TRIM58: variants seen among roughly 807,000 people sequenced by gnomAD.
TRIM58 encodes the protein E3 ubiquitin-protein ligase TRIM58.
Under a neutral mutation model 34.1 loss-of-function variants are expected in TRIM58, and 38 were observed. The observed-to-expected ratio is 1.12, with a 90% CI of 0.86 to 1.46. The LOEUF is 1.46. Among genes scored for constraint, TRIM58 ranks in the 40% most tolerant of loss-of-function variants. The pLI is 0.00. For missense variants in TRIM58, 677 were observed against 642.0 expected (o/e 1.05, Z -0.59); for synonymous variants, 273 against 275.7 (o/e 0.99, Z 0.10).
chr1:247,872,223 CTA>C (rs1416495419), intron 5 of TRIM58, among the ~76,000 whole-genome samples: 1 of 152,186 alleles, frequency 6.6e-6, no homozygotes, highest in Non-Finnish European at 1.5e-5. Context: ...GAGGATCACT[CTA>C]TATGCTTTCT....
chr1:247,867,920 T>G (rs1572574829), intron 4 of TRIM58, 43 bp from the exon 5 acceptor site: 3 of 1,613,712 alleles, frequency 1.9e-6, no homozygotes, highest in Non-Finnish European at 2.5e-6. Flanking sequence ...GAGGAGCTGG[T>G]GGAGAACCCT....
chr1:247,862,899 G>C (rs1193932593), intron 2 of TRIM58, among the ~76,000 whole-genome samples: 1 of 152,150 alleles, frequency 6.6e-6, no homozygotes, highest in African/African-American at 2.4e-5. Flanking sequence ...TGGATTGCAG[G>C]CAAATCGCTT....
chr1:247,869,120 G>A (rs1261181820), intron 5 of TRIM58, among the ~76,000 whole-genome samples: 5 of 152,152 alleles, frequency 3.3e-5, no homozygotes, highest in Non-Finnish European at 7.3e-5. Context: ...GGCTGGTCTC[G>A]AACTCCTGAC....
intron 5 of TRIM58, among the ~76,000 whole-genome samples, chr1:247,869,806 G>T (rs1659056682): frequency 6.6e-6 from 1 of 152,166 alleles, no homozygotes; most frequent in South Asian, 2.1e-4. Flanking sequence ...AGACAAATAG[G>T]AACAAAGGCA....
chr1:247,863,498 A>T (rs565457533), intron 2 of TRIM58, among the ~76,000 whole-genome samples: 1 of 152,112 alleles, frequency 6.6e-6, no homozygotes, highest in African/African-American at 2.4e-5. Context: ...AGATCGCGCC[A>T]CTGCACTCTA....
chr1:247,876,084 G>GGGAGAA lies in TRIM58; in HGVS notation c.1061_1066dup (p.Glu354_Gly355dup). On this transcript the variant is annotated inframe_insertion, in exon 6 of 6. Transcript: ENST00000366481. ...GGAGGCATTACTGGGAGGTTCTGGT[G>GGGAGAA]GGAGAAGGAGCAGAGTGGGGTTTAG... 6.2e-7 allele frequency: 1 copy of GGGAGAA among 1,614,172 alleles called. No homozygotes were observed. Among genetic ancestry groups the GGGAGAA allele is most frequent in the East Asian group, 2.2e-5 (1 of 44,876 alleles).
intron 5 of TRIM58, 66 bp from the exon 6 acceptor site, chr1:247,875,834 G>A (rs772323150): frequency 5.7e-6 from 8 of 1,397,962 alleles, no homozygotes; most frequent in Non-Finnish European, 6.8e-6. Flanking sequence ...ATTCTTTTCA[G>A]TGGTTTCCTA....
rs1659373969 is a variant in TRIM58, at chr1:247,880,012, G to A, written c.*3523G>A. ...CTAAATGTAAACACCACAAGGGGAG[G>A]TATCTTTGTCTGTTGACAATGATAC... On this transcript the variant is annotated 3_prime_UTR_variant, in exon 6 of 6. Transcript: ENST00000366481. Among the ~76,000 whole-genome samples, 1 of 151,878 alleles carries A rather than the reference G, an allele frequency of 6.6e-6. No homozygotes were observed. Among genetic ancestry groups the A allele is most frequent in the Admixed American group, 6.6e-5 (1 of 15,234 alleles).
chr1:247,869,548 T>C (rs1164648782), intron 5 of TRIM58, among the ~76,000 whole-genome samples: 2 of 152,234 alleles, frequency 1.3e-5, no homozygotes, highest in Non-Finnish European at 2.9e-5. Flanking sequence ...GCATGGTGAA[T>C]GTAGACCAAA....
intron 1 of TRIM58, among the ~76,000 whole-genome samples, chr1:247,858,778 T>G (rs1322997608): frequency 1.7e-5 from 2 of 115,998 alleles, no homozygotes; most frequent in Non-Finnish European, 3.5e-5. Context: ...TTTTTTTTTT[T>G]GAGACGGAGT....
rs765341462 is a variant in TRIM58, at chr1:247,875,960, G to A, written c.932G>A (p.Arg311His). 43 of 1,614,190 alleles carry A rather than the reference G, an allele frequency of 2.7e-5. No individual in the cohort carries two copies. Among genetic ancestry groups the A allele is most frequent in the Middle Eastern group, 1.6e-4 (1 of 6,062 alleles). Reference sequence around the variant, plus strand: ...AGTCTGCTCTTGACCGCCGACCTGCGCAGTGTGCAGGATGGAGAACCATGG... The same window carrying A: ...AGTCTGCTCTTGACCGCCGACCTGCACAGTGTGCAGGATGGAGAACCATGG... The part of the protein sequence containing the change: ...HPSLLLTADL[R>H]SVQDGEPWRD... The change falls in exon 6 of 6, where the codon CGC becomes CAC. Residue 311 changes from arginine to histidine, a missense_variant. Transcript: ENST00000366481.
In TRIM58 at chr1:247,876,523, G is replaced by A. The variant is rs1254443792; in HGVS notation, c.*34G>A. 7 of 1,552,388 alleles carry A rather than the reference G, an allele frequency of 4.5e-6. No homozygotes were observed. The highest frequency in any genetic ancestry group is 1.7e-5 in the Admixed American group (1 of 57,240). On this transcript the variant is annotated 3_prime_UTR_variant, in exon 6 of 6. Coordinates refer to ENST00000366481, the MANE Select transcript of TRIM58 (RefSeq NM_015431.4). ...TCCCAAGATGCAGTCCTAGCGTAGCGAACGTTCCTGGAGTGGGGTGAAGGA... is the reference window on the plus strand; with the variant it reads ...TCCCAAGATGCAGTCCTAGCGTAGCAAACGTTCCTGGAGTGGGGTGAAGGA...
At position 247,876,240 on chromosome 1, in the gene TRIM58, A is replaced by G. The variant is rs371307640; in HGVS notation, c.1212A>G (p.Gln404=). 3 of 1,614,098 alleles carry G rather than the reference A, an allele frequency of 1.9e-6. No individual in the cohort carries two copies. The highest frequency in any genetic ancestry group is 2.5e-6 in the Non-Finnish European group (3 of 1,180,052). The change falls in exon 6 of 6, where the codon CAA becomes CAG. Residue 404 remains glutamine, a synonymous_variant. Coordinates refer to ENST00000366481, the MANE Select transcript of TRIM58 (RefSeq NM_015431.4). The stretch of plus-strand genomic sequence containing the variant: ...CCTCCCCATCAGTGCCTCTTCTCCA[A>G]CTGGAAAGTCCTCGCTGCATTGGGA... ...VLASPSVPLL[Q]LESPRCIGIF...
intron 3 of TRIM58, among the ~76,000 whole-genome samples, chr1:247,865,429 T>C (rs1284282355): frequency 2.0e-5 from 3 of 152,210 alleles, no homozygotes; most frequent in Non-Finnish European, 2.9e-5. Context: ...GCATTGCTGT[T>C]TTTTAGGGAT....
intron 2 of TRIM58, among the ~76,000 whole-genome samples, chr1:247,863,201 A>G (rs1448176077): frequency 1.3e-5 from 2 of 152,220 alleles, no homozygotes; most frequent in East Asian, 3.8e-4. Flanking sequence ...TAAAAAGGTG[A>G]TAGCTCATGC....
rs1659351236 is a variant in TRIM58, at chr1:247,878,948, G to T, written c.*2459G>T. ...TCTTCTCTTTCCCTTTCCAACTCCT[G>T]AAAGATTGCCACTATTTCCTCTGGA... On this transcript the variant is annotated 3_prime_UTR_variant, in exon 6 of 6. Coordinates refer to ENST00000366481, the MANE Select transcript of TRIM58 (RefSeq NM_015431.4). 6.6e-6 allele frequency among the ~76,000 whole-genome samples: 1 copy of T among 152,090 alleles called. No homozygotes were observed. The highest frequency in any genetic ancestry group is 1.9e-4 in the East Asian group (1 of 5,190).
rs761416279 is a variant in TRIM58, at chr1:247,861,948, AC to A, written c.516+1240del. The stretch of plus-strand genomic sequence containing the variant: ...AGACCAGCCTGACCAACACGGAGAA[AC>A]CCCGTCTCTACTAAAAATACAAAAA... On this transcript the variant is annotated intron_variant, in intron 2 of 5. Coordinates refer to ENST00000366481, the MANE Select transcript of TRIM58 (RefSeq NM_015431.4). Among the ~76,000 whole-genome samples, 20 of 151,372 alleles carry A rather than the reference AC, an allele frequency of 1.3e-4. No homozygotes were observed. The East Asian group carries it at 2.9e-3, about 22-fold the overall frequency.
At chr1:247,874,605 T>C (rs1659238459) in intron 5 of TRIM58, among the ~76,000 whole-genome samples, 1 of 152,220 alleles carries the variant, frequency 6.6e-6, no homozygotes, top group South Asian at 2.1e-4. Flanking sequence ...TCTAGATGTA[T>C]TTATTTATTA....
At chr1:247,858,170 G>C (rs992716251) in intron 1 of TRIM58, among the ~76,000 whole-genome samples, 1 of 152,120 alleles carries the variant, frequency 6.6e-6, no homozygotes, top group Admixed American at 6.5e-5. Flanking sequence ...TACGGGTTCC[G>C]ACCCCTCCAA....
Sources: gnomAD v4.1 joint callset for allele counts (sites outside exome capture counted in the v4.1 genomes callset) on GRCh38, gnomAD v4.1.1 for gene constraint, MANE v1.5 for transcripts, NCBI Gene and HGNC (gene_info 2026-07-23, HGNC 2026-07-21) for gene names.